CAB39L: variants seen among roughly 807,000 people sequenced by gnomAD.
CAB39L encodes the protein calcium-binding protein 39-like.
In CAB39L, 23 loss-of-function variants were observed where a neutral mutation model predicts 39.1. The observed-to-expected ratio is 0.59, with a 90% CI of 0.42 to 0.83. The LOEUF (loss-of-function observed/expected upper bound fraction) is 0.83, where lower values mean the gene tolerates loss of function less well. CAB39L is among the 40% of genes least tolerant of loss of function. The pLI is 0.00. For missense variants in CAB39L, 366 were observed against 391.9 expected (o/e 0.93, Z 0.56); for synonymous variants, 126 against 137.2 (o/e 0.92, Z 0.57).
intron 3 of CAB39L, among the ~76,000 whole-genome samples, chr13:49,413,487 A>C (rs1029982455): frequency 1.3e-5 from 2 of 152,232 alleles, no homozygotes; most frequent in African/African-American, 4.8e-5. Context: ...AAAATTTTTT[A>C]GCAAAAATGC....
intron 3 of CAB39L, among the ~76,000 whole-genome samples, chr13:49,415,189 CCT>C (rs1397148446): frequency 7.2e-6 from 1 of 139,436 alleles, no homozygotes; most frequent in East Asian, 2.1e-4. Context: ...ACAGTGAGAC[CCT>C]GTCTCTAGAA....
At chr13:49,324,208 T>C (rs900926928) in intron 10 of CAB39L, among the ~76,000 whole-genome samples, 3 of 151,626 alleles carry the variant, frequency 2.0e-5, no homozygotes, top group East Asian at 1.9e-4. Flanking sequence ...TCCCAGCTAC[T>C]TGGGAGGCTG....
intron 3 of CAB39L, among the ~76,000 whole-genome samples, chr13:49,417,511 T>A (rs1386023771): frequency 1.3e-5 from 2 of 152,188 alleles, no homozygotes; most frequent in Non-Finnish European, 2.9e-5. Flanking sequence ...AGCCAACATG[T>A]CCTGTAATGT....
chr13:49,418,518 T>G (rs1480528968), intron 3 of CAB39L, among the ~76,000 whole-genome samples: 1 of 152,194 alleles, frequency 6.6e-6, no homozygotes, highest in Non-Finnish European at 1.5e-5. Flanking sequence ...TCAATGGGTG[T>G]TCTAGAATTC....
rs1345730557 is a variant in CAB39L, at chr13:49,400,085, T to C, written c.-31-17144A>G. On this transcript the variant is annotated intron_variant, in intron 3 of 10. Coordinates refer to ENST00000409308, the MANE Select transcript of CAB39L (RefSeq NM_001079670.3). ...TATGGTCTATCTAGGGTACAAGCCC[T>C]TCTAATGTGTTTACTGATACTCTGC... is the stretch of plus-strand genomic sequence containing the variant. 3.3e-5 allele frequency among the ~76,000 whole-genome samples: 5 copies of C among 152,180 alleles called. No individual in the cohort carries two copies. The East Asian group carries it at 7.7e-4, about 23-fold the overall frequency.
rs1313806013 is a variant in CAB39L, at chr13:49,382,903, T to C, written c.8A>G (p.Lys3Arg). The change falls in exon 4 of 11, where the codon AAA (lysine) becomes AGA (arginine). Residue 3 changes from lysine to arginine, a missense_variant. Physicochemically the swap from Lys to Arg is conservative, Grantham distance 26. Transcript: ENST00000409308. Reference protein sequence around the residue: MKKMPLFSKSHKN... With the variant: MKRMPLFSKSHKN... ...GTGTGATTTACTAAACAAAGGCATT[T>C]TTTTCATGTGTAGAAATCTCTTCTT... The C allele has an allele frequency of 3.1e-6, 5 of 1,588,870 alleles. No individual in the cohort carries two copies. Among genetic ancestry groups the C allele is most frequent in the Non-Finnish European group, 4.3e-6 (5 of 1,159,330 alleles).
At chr13:49,329,591 AT>A (rs1227446879) in intron 10 of CAB39L, among the ~76,000 whole-genome samples, 11 of 123,312 alleles carry the variant, frequency 8.9e-5, no homozygotes, top group African/African-American at 2.7e-4. Context: ...ATATATATAT[AT>A]ATATAATGAT....
chr13:49,439,921 G>GTTTTTTTTTTTT (rs34993624), intron 1 of CAB39L, among the ~76,000 whole-genome samples: 184 of 78,554 alleles, frequency 2.3e-3, no homozygotes, highest in Non-Finnish European at 3.1e-3. Flanking sequence ...TTTTTAATGG[G>GTTTTTTTTTTTT]TTTTTTTTTT....
At chr13:49,344,060 G>A in intron 8 of CAB39L, 119 bp downstream of exon 8, 2 of 693,448 alleles carry the variant, frequency 2.9e-6, no homozygotes, top group Non-Finnish European at 5.1e-6. Context: ...AGACAAATCA[G>A]GAGTATGGTT....
chr13:49,415,842 A>G (rs1957076534), intron 3 of CAB39L, among the ~76,000 whole-genome samples: 1 of 152,154 alleles, frequency 6.6e-6, no homozygotes, highest in South Asian at 2.1e-4. Flanking sequence ...ATCTCCAACT[A>G]ATTTTTTAAA....
intron 3 of CAB39L, among the ~76,000 whole-genome samples, chr13:49,397,388 A>G (rs1956665005): frequency 6.6e-6 from 1 of 152,128 alleles, no homozygotes; most frequent in South Asian, 2.1e-4. Flanking sequence ...AGTTGTGAGG[A>G]GCTTTTTATG....
At position 49,310,830 on chromosome 13, in the gene CAB39L, T is replaced by C. The variant is rs1953961778; in HGVS notation, c.998A>G (p.Lys333Arg). 2.5e-6 allele frequency: 4 copies of C among 1,613,970 alleles called. No individual in the cohort carries two copies. Among genetic ancestry groups the C allele is most frequent in the Non-Finnish European group, 3.4e-6 (4 of 1,179,970 alleles). ...NYLIKQIRDL[K>R]KTAP The stretch of plus-strand genomic sequence containing the variant: ...GGGAGCTCTTCAAGGGGCCGTTTTC[T>C]TCAAGTCTCGGATCTGTTTAATCAA... Residue 333 changes from lysine to arginine, a missense_variant, in exon 11 of 11, where the codon AAG (lysine) becomes AGG (arginine). By Grantham distance (26) the Lys-to-Arg change is conservative. Coordinates refer to ENST00000409308, the MANE Select transcript of CAB39L (RefSeq NM_001079670.3).
intron 7 of CAB39L, among the ~76,000 whole-genome samples, chr13:49,349,691 C>T (rs1016710730): frequency 3.3e-5 from 5 of 152,112 alleles, no homozygotes; most frequent in Admixed American, 2.0e-4. Context: ...CCAAATAATT[C>T]TAGCTAACTT....
intron 4 of CAB39L, among the ~76,000 whole-genome samples, chr13:49,380,422 A>C (rs1356367448): frequency 4.6e-5 from 7 of 152,170 alleles, no homozygotes; most frequent in Non-Finnish European, 8.8e-5. Context: ...ACTTAAAAAA[A>C]ACTCACTATA....
At chr13:49,359,000 C>T (rs1160995812) in intron 6 of CAB39L, among the ~76,000 whole-genome samples, 1 of 151,984 alleles carries the variant, frequency 6.6e-6, no homozygotes, top group Non-Finnish European at 1.5e-5. Flanking sequence ...GTGAGATGGA[C>T]TAGGTATGAA....
At chr13:49,332,253 C>T (rs1593925332) in intron 9 of CAB39L, among the ~76,000 whole-genome samples, 163 bp from the exon 10 acceptor site, 1 of 152,288 alleles carries the variant, frequency 6.6e-6, no homozygotes, top group East Asian at 1.9e-4. Flanking sequence ...GGCATAAAAG[C>T]AATAGTTATT....
chr13:49,325,857 G>C (rs1954482848), intron 10 of CAB39L, among the ~76,000 whole-genome samples: 1 of 152,160 alleles, frequency 6.6e-6, no homozygotes, highest in Non-Finnish European at 1.5e-5. Flanking sequence ...TTCACGGTTA[G>C]TCCTTCACTA....
In CAB39L at chr13:49,332,109, C is replaced by T; in HGVS notation, c.691-19G>A. ...CTAGCAGCTAGAGGAAAACACAAAACCAAAGCTGTAATCTCAGAGCCACCT... is the reference window on the plus strand; with the variant it reads ...CTAGCAGCTAGAGGAAAACACAAAATCAAAGCTGTAATCTCAGAGCCACCT... On this transcript the variant is annotated intron_variant, in intron 9 of 10. Transcript: ENST00000409308. 3.7e-6 allele frequency: 6 copies of T among 1,610,284 alleles called. No homozygotes were observed. Among genetic ancestry groups the T allele is most frequent in the Non-Finnish European group, 4.2e-6 (5 of 1,177,456 alleles).
In CAB39L at chr13:49,339,670, A is replaced by G; in HGVS notation, c.690+7T>C. On this transcript the variant is annotated splice_region_variant and intron_variant, in intron 9 of 10. Transcript: ENST00000409308. Reference sequence around the variant, plus strand: ...GGGGACACTGACTTAAAGAAATTTGATATTACCTTTAAAGACTGTCTCTTA... The same window carrying G: ...GGGGACACTGACTTAAAGAAATTTGGTATTACCTTTAAAGACTGTCTCTTA... The G allele has an allele frequency of 6.4e-7, 1 of 1,565,202 alleles. No individual in the cohort carries two copies. Among genetic ancestry groups the G allele is most frequent in the Non-Finnish European group, 8.6e-7 (1 of 1,159,770 alleles).
Sources: gnomAD v4.1 joint callset for allele counts (sites outside exome capture counted in the v4.1 genomes callset) on GRCh38, gnomAD v4.1.1 for gene constraint, MANE v1.5 for transcripts, NCBI Gene and HGNC (gene_info 2026-07-23, HGNC 2026-07-21) for gene names.